FOXN3: variants seen among roughly 807,000 people sequenced by gnomAD.
The protein encoded by FOXN3 is forkhead box protein N3.
In FOXN3, 7 loss-of-function variants were observed where a neutral mutation model predicts 38.4. The ratio of observed to expected loss-of-function variants is 0.18; its 90% CI spans 0.10 to 0.34. The LOEUF is 0.34. Ranked by LOEUF, FOXN3 falls within the 10% of genes least tolerant of loss-of-function variation. The probability of loss-of-function intolerance (pLI) is 1.00; values close to 1 mark genes in which losing one functional copy is unlikely to be tolerated. For missense variants in FOXN3, 456 were observed against 613.4 expected, an observed-to-expected ratio of 0.74 and a Z score of 2.71; for synonymous variants, 230 against 242.2, an observed-to-expected ratio of 0.95 and a Z score of 0.47.
chr14:89,505,997 G>C (rs1232076222), intron 1 of FOXN3, among the ~76,000 whole-genome samples: 1 of 150,482 alleles, frequency 6.6e-6, no homozygotes, highest in Admixed American at 6.6e-5. Context: ...GTCTCCGCCT[G>C]GCAGCCACCC....
chr14:89,360,843 AGCACCACCTCCACCACCACCT>A (rs1889524641), intron 2 of FOXN3, among the ~76,000 whole-genome samples: 1 of 87,058 alleles, frequency 1.1e-5, no homozygotes, highest in African/African-American at 7.2e-5. Context: ...TACCACCTCC[AGCACCACCTCCACCACCACCT>A]CCACCACCAC....
At chr14:89,585,153 T>C (rs1358801109) in intron 1 of FOXN3, among the ~76,000 whole-genome samples, 2 of 152,170 alleles carry the variant, frequency 1.3e-5, no homozygotes, top group African/African-American at 4.8e-5. Flanking sequence ...CACCTCACAC[T>C]TTCCTCTATA....
intron 1 of FOXN3, among the ~76,000 whole-genome samples, chr14:89,566,618 G>A (rs1452658978): frequency 6.6e-6 from 1 of 152,192 alleles, no homozygotes; most frequent in Admixed American, 6.5e-5. Context: ...ATGGAAAACT[G>A]GGAAGTGAAA....
chr14:89,460,914 G>A (rs1892833201), intron 1 of FOXN3, among the ~76,000 whole-genome samples: 1 of 151,704 alleles, frequency 6.6e-6, no homozygotes, highest in African/African-American at 2.4e-5. Context: ...TGTAATCCCA[G>A]CTACTCAGGA....
At position 89,243,567 on chromosome 14, in the gene FOXN3, A is replaced by G. The variant is rs143270478; in HGVS notation, c.745+37383T>C. Among the ~76,000 whole-genome samples, 1,462 of 152,320 alleles carry G rather than the reference A, an allele frequency of 9.6e-3. 7 individuals carry two copies. The highest frequency in any genetic ancestry group is 0.02 in the Middle Eastern group (6 of 294). ...TTTTATGAAGAATGTATCCTTGATG[A>G]CTGCAATGATAGCCAATGAGGCCAC... On this transcript the variant is annotated intron_variant, in intron 4 of 5. Coordinates refer to ENST00000557258, the MANE Select transcript of FOXN3 (RefSeq NM_005197.4).
intron 1 of FOXN3, among the ~76,000 whole-genome samples, chr14:89,491,239 G>A (rs1012431252): frequency 6.6e-6 from 1 of 152,086 alleles, no homozygotes; most frequent in African/African-American, 2.4e-5. Flanking sequence ...GCCTCCCAAA[G>A]TGCTGGGATT....
At chr14:89,350,965 T>A (rs1888944056) in intron 2 of FOXN3, 157 bp from the exon 3 acceptor site, 10 of 451,382 alleles carry the variant, frequency 2.2e-5, no homozygotes, top group Non-Finnish European at 3.7e-5. Flanking sequence ...TAGAACTCCA[T>A]AAAATGCACT....
intron 1 of FOXN3, among the ~76,000 whole-genome samples, chr14:89,578,705 T>A (rs1895683489): frequency 6.6e-6 from 1 of 152,188 alleles, no homozygotes. Context: ...TGCCTCTGCT[T>A]CCAAACACAA....
At chr14:89,593,988 TA>T (rs140079339) in intron 1 of FOXN3, among the ~76,000 whole-genome samples, 3,404 of 152,302 alleles carry the variant, frequency 0.022, 126 homozygotes, top group African/African-American at 0.077. Context: ...TTTCACACAT[TA>T]ATGTCAATGA....
At chr14:89,196,074 T>A (rs1888090889) in intron 4 of FOXN3, among the ~76,000 whole-genome samples, 1 of 152,222 alleles carries the variant, frequency 6.6e-6, no homozygotes, top group Non-Finnish European at 1.5e-5. Flanking sequence ...CAGCAGCCTA[T>A]TTCAATTTTC....
At chr14:89,587,867 GAAAAAAA>G (rs11366681) in intron 1 of FOXN3, among the ~76,000 whole-genome samples, 3 of 64,638 alleles carry the variant, frequency 4.6e-5, no homozygotes, top group African/African-American at 1.7e-4. Context: ...CTCTGTCTCA[GAAAAAAA>G]AAAAAAAAAA....
At chr14:89,585,313 G>A (rs2139917139) in intron 1 of FOXN3, among the ~76,000 whole-genome samples, 1 of 152,246 alleles carries the variant, frequency 6.6e-6, no homozygotes, top group Non-Finnish European at 1.5e-5. Context: ...TGAGAGTAAT[G>A]GTTTCCTCAT....
intron 1 of FOXN3, among the ~76,000 whole-genome samples, chr14:89,501,802 C>T (rs1176535861): frequency 1.3e-5 from 2 of 152,002 alleles, no homozygotes; most frequent in African/African-American, 4.8e-5. Context: ...GAGCCCAGAT[C>T]TCACCATTGC....
intron 3 of FOXN3, chr14:89,290,585 C>A: frequency 1.8e-6 from 1 of 556,338 alleles, no homozygotes; most frequent in South Asian, 1.4e-5. Flanking sequence ...TCTCTGAAAT[C>A]ACAAGGTCAT....
chr14:89,488,113 GTCTC>G, intron 1 of FOXN3, among the ~76,000 whole-genome samples: 1 of 148,704 alleles, frequency 6.7e-6, no homozygotes, highest in African/African-American at 2.5e-5. Context: ...TTAAGACAGA[GTCTC>G]TATTGCCCAG....
chr14:89,540,559 GT>G (rs1037776329), intron 1 of FOXN3, among the ~76,000 whole-genome samples: 26 of 151,812 alleles, frequency 1.7e-4, no homozygotes, highest in Non-Finnish European at 2.9e-4. Flanking sequence ...ATAGTGAAAC[GT>G]CGTCTCTACT....
At chr14:89,386,091 A>G (rs143147828) in intron 2 of FOXN3, among the ~76,000 whole-genome samples, 33 of 152,304 alleles carry the variant, frequency 2.2e-4, no homozygotes, top group African/African-American at 7.9e-4. Context: ...TGACACGCAA[A>G]TGCCTTCGCT....
chr14:89,570,814 T>G (rs1334399190), intron 1 of FOXN3, among the ~76,000 whole-genome samples: 1 of 152,074 alleles, frequency 6.6e-6, no homozygotes, highest in East Asian at 1.9e-4. Flanking sequence ...TAAACCCAGG[T>G]CTTTGGACCT....
chr14:89,248,280 G>T lies in FOXN3; in HGVS notation c.745+32670C>A, dbSNP rs193192121. Among the ~76,000 whole-genome samples the T allele has an allele frequency of 3.3e-5, 5 of 152,288 alleles. No homozygotes were observed. The East Asian group carries it at 9.6e-4, about 29-fold the overall frequency. ...TAATCCAGCGACTGATATAAAATAC[G>T]CAGTTTACAAATATGTGAACTGATC... On this transcript the variant is annotated intron_variant, in intron 4 of 5. Coordinates refer to ENST00000557258, the MANE Select transcript of FOXN3 (RefSeq NM_005197.4).
Sources: gnomAD v4.1 joint callset for allele counts (sites outside exome capture counted in the v4.1 genomes callset) on GRCh38, gnomAD v4.1.1 for gene constraint, MANE v1.5 for transcripts, NCBI Gene and HGNC (gene_info 2026-07-23, HGNC 2026-07-21) for gene names.